Variants in SLC38A6 observed in about 807,000 individuals in gnomAD.
SLC38A6 encodes the protein solute carrier family 38 member 6, also known as N system amino acid transporter NAT-1.
In SLC38A6, 73 loss-of-function variants were observed where a neutral mutation model predicts 65.0. The ratio of observed to expected loss-of-function variants is 1.12; its 90% CI spans 0.93 to 1.37. The LOEUF is 1.37. SLC38A6 is among the 40% of genes most tolerant of loss of function. The pLI, the probability that SLC38A6 is intolerant of heterozygous loss-of-function variation, is 0.00. For missense variants in SLC38A6, 561 were observed against 531.1 expected, an observed-to-expected ratio of 1.06 and a Z score of -0.55; for synonymous variants, 183 against 178.8, an observed-to-expected ratio of 1.02 and a Z score of -0.19.
At position 61,012,340 on chromosome 14, in the gene SLC38A6, G is replaced by A. The variant is rs149012120; in HGVS notation, c.311-3564G>A. The stretch of plus-strand genomic sequence containing the variant: ...TGATCTGTTCAAAAAAGCAGCTTCT[G>A]GATTCATTGATTTTTTTGCAGGGTT... On this transcript the variant is annotated intron_variant, in intron 3 of 15. Transcript: ENST00000267488. Among the ~76,000 whole-genome samples the A allele has an allele frequency of 1.1e-3, 165 of 152,152 alleles. No homozygotes were observed. The East Asian group carries it at 0.023, about 21-fold the overall frequency.
At chr14:60,998,755 G>A (rs978169433) in intron 3 of SLC38A6, among the ~76,000 whole-genome samples, 3 of 152,298 alleles carry the variant, frequency 2.0e-5, no homozygotes, top group Non-Finnish European at 4.4e-5. Flanking sequence ...GCCCAAAAGC[G>A]CTCTCCCCGC....
At chr14:61,014,582 T>G (rs2039850314) in intron 3 of SLC38A6, among the ~76,000 whole-genome samples, 1 of 152,218 alleles carries the variant, frequency 6.6e-6, no homozygotes, top group African/African-American at 2.4e-5. Context: ...TCCTTTCTGT[T>G]TGTTAGTTTT....
chr14:61,014,571 G>C (rs927530274), intron 3 of SLC38A6, among the ~76,000 whole-genome samples: 2 of 152,106 alleles, frequency 1.3e-5, no homozygotes, highest in Non-Finnish European at 2.9e-5. Flanking sequence ...TGGTGTGGAT[G>C]TCCTTTCTGT....
intron 15 of SLC38A6, among the ~76,000 whole-genome samples, chr14:61,072,450 G>A (rs1320642603): frequency 6.6e-6 from 1 of 152,042 alleles, no homozygotes; most frequent in African/African-American, 2.4e-5. Flanking sequence ...ATCCTGTTAT[G>A]CTATCAAATA....
chr14:60,981,940 C>G (rs1015239725), intron 1 of SLC38A6, among the ~76,000 whole-genome samples: 11 of 152,172 alleles, frequency 7.2e-5, no homozygotes, highest in African/African-American at 2.7e-4. Context: ...GGACTTTGTT[C>G]CCGGTGCTGT....
chr14:61,037,116 C>A lies in SLC38A6; in HGVS notation c.540C>A (p.Phe180Leu). 1.2e-6 allele frequency: 2 copies of A among 1,605,828 alleles called. No homozygotes were observed. Among genetic ancestry groups the A allele is most frequent in the African/African-American group, 1.3e-5 (1 of 74,634 alleles). ...TAATCATATGTGTTGGCATTGTGTT[C>A]CCTCTTGCACTTCTTCCCAAAATAG... is the stretch of plus-strand genomic sequence containing the variant. Reference protein sequence around the residue: ...LLIIICVGIVFPLALLPKIGF... With the variant: ...LLIIICVGIVLPLALLPKIGF... Residue 180 changes from phenylalanine to leucine, a missense_variant, in exon 7 of 16, where the codon TTC becomes TTA. Phe to Leu is a conservative substitution (Grantham distance 22). Transcript: ENST00000267488.
chr14:61,015,983 C>A, intron 4 of SLC38A6, 27 bp downstream of exon 4: 1 of 1,570,934 alleles, frequency 6.4e-7, no homozygotes, highest in Non-Finnish European at 8.7e-7. Context: ...CTCATTGTGT[C>A]CAAAACCCAA....
rs2037333042 is a variant in SLC38A6 at position 60,984,819 on chromosome 14, A to AT, written c.310+17dup. The AT allele has an allele frequency of 6.2e-7, 1 of 1,609,560 alleles. No individual in the cohort carries two copies. The highest frequency in any genetic ancestry group is 1.7e-5 in the Admixed American group (1 of 59,998). On this transcript the variant is annotated intron_variant, in intron 3 of 15. Coordinates refer to ENST00000267488, the MANE Select transcript of SLC38A6 (RefSeq NM_153811.3). ...ATTCAGACAGGTGAGTAAAAATGTT[A>AT]TGCTGCTTCATTTAATAAAGGAGTC...
At chr14:61,083,730 C>CA, downstream of SLC38A6, 7 of 1,544,424 alleles carry the variant, frequency 4.5e-6, no homozygotes, top group Non-Finnish European at 6.1e-6. Flanking sequence ...TGTTTAATCA[C>CA]CCAGTTTGTG....
intron 5 of SLC38A6, among the ~76,000 whole-genome samples, chr14:61,023,578 TAATAATAATA>T (rs1261023680): frequency 5.2e-5 from 1 of 19,302 alleles, no homozygotes; most frequent in Non-Finnish European, 3.1e-4. Context: ...ATAATAATAA[TAATAATAATA>T]ATATATATAT....
At chr14:61,031,342 A>T (rs2040976029) in intron 6 of SLC38A6, among the ~76,000 whole-genome samples, 1 of 152,166 alleles carries the variant, frequency 6.6e-6, no homozygotes, top group African/African-American at 2.4e-5. Context: ...TGCTTCAATA[A>T]TTGAACTTGT....
chr14:61,083,581 C>A (rs1220651775), exon 17 of SLC38A6: 1 of 1,550,468 alleles, frequency 6.4e-7, no homozygotes, highest in Admixed American at 2.0e-5. Context: ...GATGTGCACC[C>A]AGAGGAAAGG....
chr14:61,042,935 A>G (rs147230431), intron 8 of SLC38A6, among the ~76,000 whole-genome samples: 104 of 152,208 alleles, frequency 6.8e-4, no homozygotes, highest in African/African-American at 2.4e-3. Context: ...AATGGGGGAG[A>G]TCTCTACTTA....
In SLC38A6 at chr14:61,052,116, T is replaced by C. The variant is rs1194692146; in HGVS notation, c.1271T>C (p.Leu424Pro). ...CTTAAACTTAGCAGAGAGGATTTTC[T>C]GTCATGGAAAAAGCTTGGGGTAGGT... ...FYLKLSREDF[L>P]SWKKLGAFVL... is the part of the protein sequence containing the mutation. Residue 424 changes from leucine (L) to proline (P), a missense_variant, in exon 15 of 16, where the codon CTG becomes CCG. Physicochemically the swap from Leu to Pro is moderately conservative, Grantham distance 98. Coordinates refer to ENST00000267488, the MANE Select transcript of SLC38A6 (RefSeq NM_153811.3). 4 of 1,564,126 alleles carry C rather than the reference T, an allele frequency of 2.6e-6. No individual in the cohort carries two copies. Among genetic ancestry groups the C allele is most frequent in the Non-Finnish European group, 3.4e-6 (4 of 1,166,350 alleles).
intron 14 of SLC38A6, 22 bp downstream of exon 14, chr14:61,051,953 G>C: frequency 6.2e-7 from 1 of 1,604,366 alleles, no homozygotes; most frequent in Non-Finnish European, 8.5e-7. Context: ...GTTTCAAAAA[G>C]TTCACATAAT....
chr14:60,981,741 G>A, intron 1 of SLC38A6: 1 of 1,297,420 alleles, frequency 7.7e-7, no homozygotes, highest in South Asian at 1.2e-5. Flanking sequence ...TGAGGTCTTT[G>A]CAAGAGTCAC....
chr14:61,050,500 T>C lies in SLC38A6; in HGVS notation c.926-12T>C, dbSNP rs762144268. On this transcript the variant is annotated splice_polypyrimidine_tract_variant and intron_variant, in intron 12 of 15. Coordinates refer to ENST00000267488, the MANE Select transcript of SLC38A6 (RefSeq NM_153811.3). ...GTACTTTATAATGTGATCCTTATTA[T>C]TTTATTTACAGACAAAGTGGAGTCA... 3 of 1,485,814 alleles carry C rather than the reference T, an allele frequency of 2.0e-6. No individual in the cohort carries two copies. In the African/African-American group the frequency reaches 4.1e-5, roughly 21 times the overall value. The allele number at this position is 1,485,814 out of a possible 1,614,324, so 92.0% of individuals were successfully genotyped here. A position where few individuals can be genotyped will look rare whatever the true frequency, so the allele number is the denominator to read the frequency against.
chr14:61,042,410 C>G (rs534474790), intron 8 of SLC38A6, among the ~76,000 whole-genome samples: 1 of 152,246 alleles, frequency 6.6e-6, no homozygotes, highest in South Asian at 2.1e-4. Flanking sequence ...ATTATGTGCC[C>G]TGAAACAACA....
intron 6 of SLC38A6, among the ~76,000 whole-genome samples, chr14:61,031,687 C>G (rs1777730788): frequency 6.7e-6 from 1 of 148,888 alleles, no homozygotes; most frequent in African/African-American, 2.6e-5. Flanking sequence ...GGTTGATAAA[C>G]AATTCCTATA....
Sources: gnomAD v4.1 joint callset for allele counts (sites outside exome capture counted in the v4.1 genomes callset) on GRCh38, gnomAD v4.1.1 for gene constraint, MANE v1.5 for transcripts, NCBI Gene and HGNC (gene_info 2026-07-23, HGNC 2026-07-21) for gene names.